TBCK: variants seen among roughly 807,000 people sequenced by gnomAD.
The protein encoded by TBCK is TBC1 domain containing kinase.
TBCK carries 99 observed loss-of-function variants against 113.4 expected under a neutral mutation model. That is an observed-to-expected ratio of 0.87 (90% CI 0.74 to 1.03). The LOEUF (loss-of-function observed/expected upper bound fraction) is 1.03. Ranked by LOEUF, TBCK falls within the 50% of genes least tolerant of loss-of-function variation. The pLI, the probability that TBCK is intolerant of heterozygous loss-of-function variation, is 0.00. For missense variants in TBCK, 1,045 were observed against 1,061.3 expected (o/e 0.98, Z 0.21); for synonymous variants, 369 against 370.8 (o/e 1.00, Z 0.05).
chr4:106,116,462 A>C, intron 23 of TBCK, 84 bp from the exon 24 acceptor site: 1 of 1,106,948 alleles, frequency 9.0e-7, no homozygotes, highest in Non-Finnish European at 1.3e-6. Context: ...TCTTGATACC[A>C]AACAATACAG....
chr4:106,107,056 A>G (rs1031143059), intron 24 of TBCK, among the ~76,000 whole-genome samples: 2 of 152,188 alleles, frequency 1.3e-5, no homozygotes, highest in African/African-American at 4.8e-5. Context: ...GCATTATATA[A>G]TGGTAAAGGG....
intron 20 of TBCK, among the ~76,000 whole-genome samples, chr4:106,210,330 A>T (rs1178556411): frequency 1.3e-5 from 2 of 152,160 alleles, no homozygotes; most frequent in Admixed American, 1.3e-4. Context: ...TTGTTTCCAT[A>T]GGATTTGAGA....
chr4:106,252,117 A>G, intron 5 of TBCK, 110 bp from the exon 6 acceptor site: 1 of 832,288 alleles, frequency 1.2e-6, no homozygotes, highest in Non-Finnish European at 1.7e-6. Flanking sequence ...CAATTAAATT[A>G]ACAACTGTTG....
intron 10 of TBCK, among the ~76,000 whole-genome samples, chr4:106,245,043 G>C (rs1760643240): frequency 6.6e-6 from 1 of 152,146 alleles, no homozygotes; most frequent in South Asian, 2.1e-4. Context: ...GGAGAATAAA[G>C]GGAGCTATGG....
intron 24 of TBCK, among the ~76,000 whole-genome samples, chr4:106,097,039 G>A (rs1234124169): frequency 2.6e-5 from 4 of 152,040 alleles, no homozygotes; most frequent in South Asian, 4.1e-4. Context: ...TTGTAGGCTC[G>A]ATATCACCTA....
rs746419275 is a variant in TBCK, at chr4:106,134,196, C to T, written c.2236-17818G>A. ...ACTCTGAGATTTTTTTTTAAAGTGA[C>T]GTATAATGTTTCTAGGAGGGAAACT... On this transcript the variant is annotated intron_variant, in intron 23 of 25. Transcript: ENST00000394708. Among the ~76,000 whole-genome samples the T allele has an allele frequency of 6.6e-5, 10 of 151,150 alleles. 1 individual carries two copies. The highest frequency in any genetic ancestry group is 4.2e-4 in the South Asian group (2 of 4,744).
intron 20 of TBCK, among the ~76,000 whole-genome samples, chr4:106,202,997 A>G (rs1755059411): frequency 6.6e-6 from 1 of 152,074 alleles, no homozygotes; most frequent in African/African-American, 2.4e-5. Context: ...ATAGAAATAA[A>G]AATTAAATTT....
chr4:106,176,678 T>C (rs769477871), intron 22 of TBCK, among the ~76,000 whole-genome samples: 4 of 151,982 alleles, frequency 2.6e-5, no homozygotes, highest in Non-Finnish European at 5.9e-5. Context: ...CTGATTTCCT[T>C]TCTTTTGGAC....
Position 106,201,293 on chromosome 4 carries a change from A to T in TBCK, c.1861-6539T>A, listed in dbSNP as rs1754863352. ...TCCCGTTTAAAATATTGATATTTTCATCTTAAATAATTACTCAGGATATTG... is the reference window on the plus strand; with the variant it reads ...TCCCGTTTAAAATATTGATATTTTCTTCTTAAATAATTACTCAGGATATTG... On this transcript the variant is annotated intron_variant, in intron 20 of 25. Transcript: ENST00000394708. Among the ~76,000 whole-genome samples, 4 of 152,066 alleles carry T rather than the reference A, an allele frequency of 2.6e-5. No homozygotes were observed. The South Asian group carries it at 8.3e-4, about 32-fold the overall frequency.
At chr4:106,117,598 TAGA>T (rs1283693048) in intron 23 of TBCK, among the ~76,000 whole-genome samples, 3 of 152,206 alleles carry the variant, frequency 2.0e-5, no homozygotes, top group Admixed American at 2.0e-4. Flanking sequence ...TGTTTCTTAG[TAGA>T]AGAAGGATGA....
chr4:106,130,810 A>G (rs561382947), intron 23 of TBCK, among the ~76,000 whole-genome samples: 1 of 152,196 alleles, frequency 6.6e-6, no homozygotes, highest in Non-Finnish European at 1.5e-5. Flanking sequence ...AATACTTCAT[A>G]ACTATGAATC....
chr4:106,153,213 C>T (rs943980031), intron 23 of TBCK, among the ~76,000 whole-genome samples: 2 of 151,752 alleles, frequency 1.3e-5, no homozygotes, highest in Non-Finnish European at 2.9e-5. Context: ...TATTAACTTC[C>T]CTCAGTACTG....
At chr4:106,067,354 A>G (rs1246711373) in intron 25 of TBCK, among the ~76,000 whole-genome samples, 2 of 152,134 alleles carry the variant, frequency 1.3e-5, no homozygotes, top group Admixed American at 1.3e-4. Context: ...AGGAGTTGTT[A>G]GTGAATAGAA....
intron 3 of TBCK, among the ~76,000 whole-genome samples, chr4:106,290,849 C>G (rs1339872131): frequency 6.6e-6 from 1 of 152,226 alleles, no homozygotes; most frequent in Non-Finnish European, 1.5e-5. Context: ...AGCACGAACC[C>G]TACTGTGAAC....
rs185914981 is a variant in TBCK, at chr4:106,189,296, T to C, written c.2059+4313A>G. Among the ~76,000 whole-genome samples, 5 of 151,052 alleles carry C rather than the reference T, an allele frequency of 3.3e-5. No homozygotes were observed. In the East Asian group the frequency reaches 7.8e-4, roughly 24 times the overall value. On this transcript the variant is annotated intron_variant, in intron 22 of 25. Coordinates refer to ENST00000394708, the MANE Select transcript of TBCK (RefSeq NM_001163435.3). ...GAAACAGACATGCAGTGAGCCAAAA[T>C]TGTGCCACTGCACTTCAGCCTGGGT...
At chr4:106,275,655 T>C (rs1763945952) in intron 3 of TBCK, among the ~76,000 whole-genome samples, 1 of 152,108 alleles carries the variant, frequency 6.6e-6, no homozygotes, top group African/African-American at 2.4e-5. Flanking sequence ...AAAATAAAAC[T>C]AAATTTTACC....
At chr4:106,271,363 T>G (rs1763457276) in intron 3 of TBCK, among the ~76,000 whole-genome samples, 1 of 152,162 alleles carries the variant, frequency 6.6e-6, no homozygotes, top group African/African-American at 2.4e-5. Context: ...ATTCTTAATT[T>G]TAGGTTCTCC....
At chr4:106,140,404 T>G (rs566482419) in intron 23 of TBCK, among the ~76,000 whole-genome samples, 1 of 141,226 alleles carries the variant, frequency 7.1e-6, no homozygotes, top group African/African-American at 2.5e-5. Context: ...AACCAGATGA[T>G]AAATTTATTG....
intron 19 of TBCK, among the ~76,000 whole-genome samples, chr4:106,214,023 G>C (rs1008895442): frequency 3.9e-5 from 6 of 152,178 alleles, no homozygotes; most frequent in African/African-American, 1.2e-4. Context: ...GGAGGTCTGA[G>C]AACCAGCAGA....
Sources: allele counts gnomAD v4.1 joint callset (sites outside exome capture counted in the v4.1 genomes callset), GRCh38; gene constraint gnomAD v4.1.1; transcripts MANE v1.5; gene names NCBI Gene and HGNC (gene_info 2026-07-23, HGNC 2026-07-21).